Variants in ATXN1 observed in about 807,000 individuals in gnomAD.
ATXN1 encodes ataxin-1.
Under a neutral mutation model 56.4 loss-of-function variants are expected in ATXN1, and 8 were observed. The observed-to-expected ratio is 0.14, with a 90% CI of 0.08 to 0.26. ATXN1 has a LOEUF of 0.26. Ranked by LOEUF, ATXN1 falls within the 10% of genes least tolerant of loss-of-function variation. The pLI is 1.00. For synonymous variants in ATXN1, 514 were observed against 494.6 expected (o/e 1.04, Z -0.52); for missense variants, 987 against 1,106.5 (o/e 0.89, Z 1.53).
chr6:16,622,385 T>C (rs1763334156), intron 3 of ATXN1, among the ~76,000 whole-genome samples: 1 of 151,948 alleles, frequency 6.6e-6, no homozygotes, highest in Admixed American at 6.6e-5. Flanking sequence ...GTGGTGGTGG[T>C]TGGTGGTGGT....
chr6:16,362,779 G>T lies in ATXN1; in HGVS notation c.-160-34309C>A, dbSNP rs567853705. 7.9e-5 allele frequency among the ~76,000 whole-genome samples: 12 copies of T among 152,176 alleles called. No individual in the cohort carries two copies. The South Asian group carries it at 2.3e-3, about 29-fold the overall frequency. On this transcript the variant is annotated intron_variant, in intron 6 of 7. Coordinates refer to ENST00000436367, the MANE Select transcript of ATXN1 (RefSeq NM_001128164.2). The stretch of plus-strand genomic sequence containing the variant: ...GATGTGATATTCAGTTTATGTATAG[G>T]TTTACATTTCAGCACTAAATCTCCC...
At chr6:16,325,366 C>A (rs1760778856) in intron 7 of ATXN1, among the ~76,000 whole-genome samples, 1 of 152,108 alleles carries the variant, frequency 6.6e-6, no homozygotes, top group Admixed American at 6.5e-5. Flanking sequence ...GATCCACCCG[C>A]CTCAGCCTCC....
chr6:16,376,624 C>G (rs1431638618), intron 6 of ATXN1, among the ~76,000 whole-genome samples: 1 of 152,182 alleles, frequency 6.6e-6, no homozygotes, highest in Non-Finnish European at 1.5e-5. Context: ...TGTCACCTTC[C>G]CGCTTTCCTT....
chr6:16,477,969 C>A (rs1760359889), intron 6 of ATXN1, among the ~76,000 whole-genome samples: 1 of 152,152 alleles, frequency 6.6e-6, no homozygotes, highest in Non-Finnish European at 1.5e-5. Flanking sequence ...CCCTTCTGAC[C>A]CTCTCGAGGC....
intron 4 of ATXN1, among the ~76,000 whole-genome samples, chr6:16,549,715 T>C (rs1010470185): frequency 1.1e-4 from 16 of 152,106 alleles, no homozygotes; most frequent in Middle Eastern, 3.4e-3. Context: ...CTGACCAACA[T>C]GGTGAAACCC....
intron 5 of ATXN1, among the ~76,000 whole-genome samples, chr6:16,510,464 C>T (rs912937213): frequency 1.3e-5 from 2 of 152,108 alleles, no homozygotes; most frequent in African/African-American, 4.8e-5. Context: ...AAAACTAGGG[C>T]CAGGCACAGT....
chr6:16,618,176 C>T (rs1763254376), intron 3 of ATXN1, among the ~76,000 whole-genome samples: 1 of 152,108 alleles, frequency 6.6e-6, no homozygotes, highest in Non-Finnish European at 1.5e-5. Context: ...GAAAACCAAA[C>T]ACCGCATGTT....
At chr6:16,318,847 C>T (rs868214839) in intron 7 of ATXN1, among the ~76,000 whole-genome samples, 9 of 152,176 alleles carry the variant, frequency 5.9e-5, no homozygotes, top group Non-Finnish European at 1.3e-4. Context: ...CAGTGAGTGA[C>T]CACAGCAGCT....
intron 2 of ATXN1, among the ~76,000 whole-genome samples, chr6:16,679,346 GGATA>G (rs1013520473): frequency 6.7e-6 from 1 of 148,288 alleles, no homozygotes; most frequent in African/African-American, 2.5e-5. Flanking sequence ...GTGGATGGGA[GGATA>G]GATAGATGGA....
intron 4 of ATXN1, among the ~76,000 whole-genome samples, chr6:16,524,908 C>T (rs965952358): frequency 1.3e-5 from 2 of 152,070 alleles, no homozygotes; most frequent in East Asian, 1.9e-4. Flanking sequence ...CAAAATTAGC[C>T]GGGCATGGTG....
chr6:16,705,747 T>C (rs1477645831), intron 2 of ATXN1, among the ~76,000 whole-genome samples: 1 of 152,216 alleles, frequency 6.6e-6, no homozygotes, highest in Non-Finnish European at 1.5e-5. Context: ...GTGATTAGCA[T>C]GAAGCAGGTG....
intron 3 of ATXN1, among the ~76,000 whole-genome samples, chr6:16,588,584 G>A (rs887302301): frequency 3.9e-5 from 6 of 152,084 alleles, no homozygotes; most frequent in African/African-American, 1.4e-4. Flanking sequence ...GACCCTCCCT[G>A]GTTATAGTAG....
chr6:16,592,211 G>T (rs1762735675), intron 3 of ATXN1, among the ~76,000 whole-genome samples: 1 of 152,190 alleles, frequency 6.6e-6, no homozygotes, highest in Non-Finnish European at 1.5e-5. Flanking sequence ...CAGTGATGAT[G>T]AATCCGAGCA....
chr6:16,634,384 A>C (rs1030715766), intron 3 of ATXN1, among the ~76,000 whole-genome samples: 9 of 152,178 alleles, frequency 5.9e-5, no homozygotes, highest in Admixed American at 5.9e-4. Context: ...TCCCTACCTC[A>C]TAGGGTTGTT....
chr6:16,566,457 T>C (rs1050514580), intron 4 of ATXN1, among the ~76,000 whole-genome samples: 14 of 152,026 alleles, frequency 9.2e-5, no homozygotes, highest in African/African-American at 3.1e-4. Flanking sequence ...ATTGCTGTAA[T>C]CTCAAACTCC....
At chr6:16,382,213 T>C (rs1000709327) in intron 6 of ATXN1, among the ~76,000 whole-genome samples, 2 of 150,810 alleles carry the variant, frequency 1.3e-5, no homozygotes, top group Non-Finnish European at 3.0e-5. Context: ...GGCAGGAGAA[T>C]GGTGTGAACC....
chr6:16,465,585 T>C (rs1760089024), intron 6 of ATXN1, among the ~76,000 whole-genome samples: 2 of 151,896 alleles, frequency 1.3e-5, no homozygotes, highest in African/African-American at 4.8e-5. Context: ...ATGATTCAGA[T>C]GGGGATGAGG....
At chr6:16,522,766 G>A (rs1020205014) in intron 4 of ATXN1, 78 bp from the exon 5 acceptor site, 9 of 152,188 alleles carry the variant, frequency 5.9e-5, no homozygotes, top group African/African-American at 2.2e-4. Context: ...AGGCCTAGAG[G>A]TGATAAGAAA....
chr6:16,390,213 T>C (rs1319772895), intron 6 of ATXN1, among the ~76,000 whole-genome samples: 1 of 152,220 alleles, frequency 6.6e-6, no homozygotes, highest in Non-Finnish European at 1.5e-5. Context: ...AGCTCTGTAC[T>C]TGTTTTACTT....
Sources: gnomAD v4.1 joint callset for allele counts (sites outside exome capture counted in the v4.1 genomes callset) on GRCh38, gnomAD v4.1.1 for gene constraint, MANE v1.5 for transcripts, NCBI Gene and HGNC (gene_info 2026-07-23, HGNC 2026-07-21) for gene names.